The following UGT1A3 variants were observed in gnomAD, a reference collection of about 807,000 sequenced individuals.
The protein encoded by UGT1A3 is UDP glucuronosyltransferase family 1 member A3.
A neutral mutation model predicts 41.0 loss-of-function variants in UGT1A3; 31 were observed. That is an observed-to-expected ratio of 0.76 (90% CI 0.57 to 1.02). The LOEUF is 1.02. UGT1A3 is among the 50% of genes least tolerant of loss of function. UGT1A3 has a pLI of 0.00. For synonymous variants in UGT1A3, 262 were observed against 257.6 expected, an observed-to-expected ratio of 1.02 and a Z score of -0.17; for missense variants, 737 against 671.0, an observed-to-expected ratio of 1.10 and a Z score of -1.09.
chr2:233,744,127 T>G, intron 1 of UGT1A3: 2 of 357,210 alleles, frequency 5.6e-6, no homozygotes, highest in South Asian at 4.6e-5. Context: ...TGAGGCTCTG[T>G]GAGGCCCTGT....
Position 233,768,428 on chromosome 2 carries a change from C to T in UGT1A3, c.1296C>T (p.Ile432=), listed in dbSNP as rs1559415864. The T allele has an allele frequency of 6.2e-7, 1 of 1,613,856 alleles. No homozygotes were observed. Among genetic ancestry groups the T allele is most frequent in the Non-Finnish European group, 8.5e-7 (1 of 1,179,916 alleles). ...TAGAAAATGCTCTAAAAGCAGTCATCAATGACAAAAGGTAAGAAAGAAGAT... is the reference window on the plus strand; with the variant it reads ...TAGAAAATGCTCTAAAAGCAGTCATTAATGACAAAAGGTAAGAAAGAAGAT... ...EDLENALKAV[I]NDKSYKENIM... is the part of the protein sequence containing the mutation. The change falls in exon 4 of 5, where the codon ATC becomes ATT. Residue 432 remains isoleucine, a synonymous_variant. Coordinates refer to ENST00000482026, the MANE Select transcript of UGT1A3 (RefSeq NM_019093.4).
intron 1 of UGT1A3, chr2:233,741,833 G>A (rs1278091039): frequency 6.6e-6 from 1 of 151,848 alleles, no homozygotes; most frequent in Non-Finnish European, 1.5e-5. Flanking sequence ...ATCCAGTTCA[G>A]TTGCCTTTTG....
chr2:233,753,314 G>A (rs1425498826), intron 1 of UGT1A3: 1 of 152,252 alleles, frequency 6.6e-6, no homozygotes, highest in Non-Finnish European at 1.5e-5. Context: ...GTGCCCCTGT[G>A]GGATGGTGCC....
chr2:233,740,756 T>G (rs1289445141), intron 1 of UGT1A3: 2 of 151,784 alleles, frequency 1.3e-5, no homozygotes, highest in Non-Finnish European at 1.5e-5. Flanking sequence ...TCTGAAAACC[T>G]TATCAAACCG....
intron 1 of UGT1A3, among the ~76,000 whole-genome samples, chr2:233,734,913 T>G (rs1279998122): frequency 6.6e-6 from 1 of 152,224 alleles, no homozygotes; most frequent in Non-Finnish European, 1.5e-5. Context: ...TTACATTTGC[T>G]AAGGAGTGCT....
Position 233,767,954 on chromosome 2 carries a change from G to A in UGT1A3, c.1087+18G>A, listed in dbSNP as rs770382182. On this transcript the variant is annotated intron_variant, in intron 3 of 4. Transcript: ENST00000482026. ...TCTGCTTGGTATGTTGGGCGGATTG[G>A]ATGTATAGGTCAAACCAGGGTCAAA... 1.9e-5 allele frequency: 30 copies of A among 1,614,036 alleles called. No homozygotes were observed. The highest frequency in any genetic ancestry group is 2.5e-6 in the Non-Finnish European group (3 of 1,180,050).
chr2:233,765,727 T>TA (rs1026006694), intron 1 of UGT1A3, among the ~76,000 whole-genome samples: 8 of 150,756 alleles, frequency 5.3e-5, no homozygotes, highest in Non-Finnish European at 1.0e-4. Context: ...ATAATAATAA[T>TA]AATAAATAAA....
In UGT1A3 at chr2:233,769,625, A is replaced by G; in HGVS notation, c.1307+1186A>G. 1 of 1,612,274 alleles carries G rather than the reference A, an allele frequency of 6.2e-7. No homozygotes were observed. Among genetic ancestry groups the G allele is most frequent in the African/African-American group, 1.3e-5 (1 of 75,020 alleles). On this transcript the variant is annotated intron_variant, in intron 4 of 4. Coordinates refer to ENST00000482026, the MANE Select transcript of UGT1A3 (RefSeq NM_019093.4). The surrounding 1 kb of genome is among the most constrained non-coding windows in gnomAD (Gnocchi z 4.4). ...GGGGACACACCAGCTTGAGCAAGGGACAACAGGGGAGGACTGATGACTGAC... is the reference window on the plus strand; with the variant it reads ...GGGGACACACCAGCTTGAGCAAGGGGCAACAGGGGAGGACTGATGACTGAC...
At chr2:233,743,452 GA>G (rs1692298839) in intron 1 of UGT1A3, 1 of 1,365,542 alleles carries the variant, frequency 7.3e-7, no homozygotes, top group Non-Finnish European at 9.8e-7. Flanking sequence ...ATCAAAAGAA[GA>G]AAAAACACCC....
intron 1 of UGT1A3, chr2:233,754,789 A>G (rs1444380130): frequency 8.4e-7 from 1 of 1,196,426 alleles, no homozygotes; most frequent in African/African-American, 1.6e-5. Context: ...AAGGAACGAA[A>G]TCCTGTATCA....
chr2:233,760,932 T>C, intron 1 of UGT1A3: 1 of 1,614,198 alleles, frequency 6.2e-7, no homozygotes, highest in Non-Finnish European at 8.5e-7. Context: ...ACATGCTCAT[T>C]GCCTTTTCAC....
In UGT1A3 at chr2:233,772,930, T is replaced by A; in HGVS notation, c.*371T>A. On this transcript the variant is annotated 3_prime_UTR_variant, in exon 5 of 5. Coordinates refer to ENST00000482026, the MANE Select transcript of UGT1A3 (RefSeq NM_019093.4). ...CCTACTGCAAATGGCAGTTTTAATC[T>A]TATCTTTTGGCTTCTGCAGATGGTT... The A allele has an allele frequency of 2.9e-6, 1 of 350,402 alleles. No individual in the cohort carries two copies. The highest frequency in any genetic ancestry group is 3.0e-5 in the South Asian group (1 of 32,922). The allele number at this position is 350,402 out of a possible 1,614,324, so 21.7% of individuals were successfully genotyped here.
chr2:233,765,512 A>T (rs1230847041), intron 1 of UGT1A3, among the ~76,000 whole-genome samples: 5 of 152,144 alleles, frequency 3.3e-5, no homozygotes, highest in African/African-American at 1.2e-4. Flanking sequence ...AGGAACAGAA[A>T]ATCAAACACC....
At chr2:233,755,509 C>G (rs143373661) in intron 1 of UGT1A3, 6,563 of 166,164 alleles carry the variant, frequency 0.039, 278 homozygotes, top group Middle Eastern at 0.048. Flanking sequence ...GACCAGGCCC[C>G]GCCCACTCCG....
chr2:233,771,498 A>G (rs1006234323), intron 4 of UGT1A3: 3 of 152,314 alleles, frequency 2.0e-5, no homozygotes, highest in Non-Finnish European at 4.4e-5. Flanking sequence ...TAATGTTTCA[A>G]TGACTGAATT....
intron 1 of UGT1A3, chr2:233,750,495 G>C (rs1427890072): frequency 6.6e-6 from 1 of 151,984 alleles, no homozygotes; most frequent in African/African-American, 2.4e-5. Flanking sequence ...AAGTAAGGAG[G>C]AGCCAAATGT....
chr2:233,772,831 T>A lies in UGT1A3; in HGVS notation c.*272T>A. ...AGAGGACGTGCAGACAGGCTGGCATTCTAGATTACTTTTCTTACTCTGAAA... is the reference window on the plus strand; with the variant it reads ...AGAGGACGTGCAGACAGGCTGGCATACTAGATTACTTTTCTTACTCTGAAA... On this transcript the variant is annotated 3_prime_UTR_variant, in exon 5 of 5. Coordinates refer to ENST00000482026, the MANE Select transcript of UGT1A3 (RefSeq NM_019093.4). 1 of 893,950 alleles carries A rather than the reference T, an allele frequency of 1.1e-6. No individual in the cohort carries two copies. The highest frequency in any genetic ancestry group is 1.6e-6 in the Non-Finnish European group (1 of 642,656). The allele number at this position is 893,950 out of a possible 1,614,324, so 55.4% of individuals were successfully genotyped here. A position where few individuals can be genotyped will look rare whatever the true frequency, so the allele number is the denominator to read the frequency against.
chr2:233,762,993 G>T (rs1698210222), intron 1 of UGT1A3, among the ~76,000 whole-genome samples: 1 of 152,172 alleles, frequency 6.6e-6, no homozygotes, highest in Non-Finnish European at 1.5e-5. Flanking sequence ...AGTGGAAATT[G>T]ATTATCATTT....
In UGT1A3 at chr2:233,729,584, C is replaced by T; in HGVS notation, c.458C>T (p.Pro153Leu). Reference sequence around the variant, plus strand: ...TCCTTTGATGTGGTTTTAACAGACCCCGTTAACCTCTGCGCGGCAGTGCTG... The same window carrying T: ...TCCTTTGATGTGGTTTTAACAGACCTCGTTAACCTCTGCGCGGCAGTGCTG... Reference protein sequence around the residue: ...ATSFDVVLTDPVNLCAAVLAK... With the variant: ...ATSFDVVLTDLVNLCAAVLAK... Residue 153 changes from proline to leucine, a missense_variant, in exon 1 of 5, where the codon CCC becomes CTC. Pro to Leu is a moderately conservative substitution (Grantham distance 98). Transcript: ENST00000482026. 4.3e-6 allele frequency: 7 copies of T among 1,614,090 alleles called. No individual in the cohort carries two copies. Among genetic ancestry groups the T allele is most frequent in the Non-Finnish European group, 5.9e-6 (7 of 1,179,996 alleles).
Sources: gnomAD v4.1 joint callset for allele counts (sites outside exome capture counted in the v4.1 genomes callset) on GRCh38, gnomAD v4.1.1 for gene constraint, Gnocchi (gnomAD v3.1) non-coding constraint, MANE v1.5 for transcripts, NCBI Gene and HGNC (gene_info 2026-07-23, HGNC 2026-07-21) for gene names.